ACACA: variants seen among roughly 807,000 people sequenced by gnomAD.
The protein encoded by ACACA is acetyl-CoA carboxylase 1.
ACACA carries 103 observed loss-of-function variants against 296.1 expected under a neutral mutation model. The observed-to-expected ratio is 0.35, with a 90% CI of 0.30 to 0.41. The LOEUF is 0.41. ACACA is among the 10% of genes least tolerant of loss of function. The pLI, the probability that ACACA is intolerant of heterozygous loss-of-function variation, is 1.00. For missense variants in ACACA, 1,554 were observed against 2,989.7 expected (o/e 0.52, Z 11.20); for synonymous variants, 953 against 1,038.6 (o/e 0.92, Z 1.58).
chr17:37,401,349 C>T lies in ACACA; in HGVS notation c.38+4913G>A, dbSNP rs576635415. ...CTGGGAATACAAGCGCCCGCCACCA[C>T]GCCCAGCTAATTTTTGTTTTTTTAG... On this transcript the variant is annotated intron_variant, in intron 1 of 55. Coordinates refer to ENST00000616317, the MANE Select transcript of ACACA (RefSeq NM_198834.3). Among the ~76,000 whole-genome samples, 15 of 151,712 alleles carry T rather than the reference C, an allele frequency of 9.9e-5. No individual in the cohort carries two copies. The East Asian group carries it at 1.4e-3, about 14-fold the overall frequency.
At chr17:37,376,847 CG>C (rs2050025912) in intron 1 of ACACA, among the ~76,000 whole-genome samples, 2 of 151,926 alleles carry the variant, frequency 1.3e-5, no homozygotes, top group Non-Finnish European at 2.9e-5. Flanking sequence ...CTCAGCTACT[CG>C]GGTGGCTGAG....
At chr17:37,183,905 TGCAATG>T (rs2077426100) in intron 39 of ACACA, among the ~76,000 whole-genome samples, 1 of 139,538 alleles carries the variant, frequency 7.2e-6, no homozygotes, top group Non-Finnish European at 1.5e-5. Flanking sequence ...CAGGCTGGAG[TGCAATG>T]GTGCGATCTC....
At chr17:37,214,139 T>C (rs977307505) in intron 29 of ACACA, among the ~76,000 whole-genome samples, 1 of 152,180 alleles carries the variant, frequency 6.6e-6, no homozygotes, top group Non-Finnish European at 1.5e-5. Context: ...CTGAATAACC[T>C]ACTAGCAGCC....
chr17:37,211,062 T>G (rs550862635), intron 29 of ACACA, among the ~76,000 whole-genome samples: 2 of 152,264 alleles, frequency 1.3e-5, no homozygotes, highest in South Asian at 2.1e-4. Flanking sequence ...TAAGTCTTTT[T>G]AACCATACTC....
chr17:37,184,396 T>C (rs1007167356), intron 39 of ACACA, among the ~76,000 whole-genome samples: 1 of 152,204 alleles, frequency 6.6e-6, no homozygotes, highest in Non-Finnish European at 1.5e-5. Flanking sequence ...TTGCCTGCCC[T>C]TTGGGGGTGC....
At chr17:37,281,382 G>A (rs1279662880) in intron 5 of ACACA, among the ~76,000 whole-genome samples, 1 of 151,972 alleles carries the variant, frequency 6.6e-6, no homozygotes, top group African/African-American at 2.4e-5. Context: ...TCTTAAGCCT[G>A]CCCCCAAGAA....
intron 16 of ACACA, among the ~76,000 whole-genome samples, chr17:37,249,545 A>G (rs1260660624): frequency 6.6e-6 from 1 of 152,186 alleles, no homozygotes; most frequent in Non-Finnish European, 1.5e-5. Flanking sequence ...GACAGTGGGC[A>G]TCCTAATGGG....
rs531170146 is a variant in ACACA, at chr17:37,183,644, C to T, written c.4777-2288G>A. Among the ~76,000 whole-genome samples the T allele has an allele frequency of 1.5e-3, 229 of 151,774 alleles. 1 individual carries two copies. The highest frequency in any genetic ancestry group is 4.9e-3 in the African/African-American group (205 of 41,444). ...GAGATCGAGACCATCCTGGCTAACA[C>T]GGTGAAACCCCGTCTCTACTAAAAA... On this transcript the variant is annotated intron_variant, in intron 39 of 55. Coordinates refer to ENST00000616317, the MANE Select transcript of ACACA (RefSeq NM_198834.3).
chr17:37,224,914 T>TA, intron 27 of ACACA, 78 bp downstream of exon 27: 1 of 603,334 alleles, frequency 1.7e-6, no homozygotes, highest in East Asian at 3.5e-5. Flanking sequence ...ACTAATTACT[T>TA]AAACTATGCT....
intron 1 of ACACA, chr17:37,391,617 T>C: frequency 6.2e-7 from 1 of 1,601,666 alleles, no homozygotes. Flanking sequence ...GCATCCTTTT[T>C]TAACTTTCAT....
At chr17:37,175,001 T>C (rs1002523021) in intron 41 of ACACA, among the ~76,000 whole-genome samples, 1 of 152,214 alleles carries the variant, frequency 6.6e-6, no homozygotes, top group African/African-American at 2.4e-5. Flanking sequence ...TTTCTCATTA[T>C]GACAGGCATG....
At chr17:37,129,732 C>T (rs1427492237) in intron 46 of ACACA, among the ~76,000 whole-genome samples, 1 of 152,124 alleles carries the variant, frequency 6.6e-6, no homozygotes, top group African/African-American at 2.4e-5. Context: ...TGTGCCCATG[C>T]TTTCTGGGAT....
chr17:37,161,620 A>C, intron 42 of ACACA, 161 bp downstream of exon 42: 1 of 808,382 alleles, frequency 1.2e-6, no homozygotes, highest in South Asian at 1.8e-5. Context: ...ATTTGTCTTT[A>C]ATATGGTGTC....
intron 1 of ACACA, among the ~76,000 whole-genome samples, chr17:37,381,282 T>G (rs905206227): frequency 3.9e-5 from 6 of 151,944 alleles, no homozygotes; most frequent in Admixed American, 6.6e-5. Flanking sequence ...TCCTCCCAGG[T>G]TCACGTGATT....
chr17:37,225,743 GCAGAAGGTCACTGAA>G (rs1211708330), intron 26 of ACACA, among the ~76,000 whole-genome samples: 2 of 152,170 alleles, frequency 1.3e-5, no homozygotes, highest in Non-Finnish European at 2.9e-5. Flanking sequence ...TGTAGAGAAA[GCAGAAGGTCACTGAA>G]CAGCTTCAAA....
chr17:37,289,512 C>T (rs747369435), intron 3 of ACACA: 2 of 1,351,610 alleles, frequency 1.5e-6, no homozygotes, highest in South Asian at 2.3e-5. Flanking sequence ...CTTCATATCC[C>T]ACGAGTATTT....
chr17:37,221,639 C>T (rs1171250204), intron 29 of ACACA, 85 bp downstream of exon 29: 4 of 1,163,050 alleles, frequency 3.4e-6, no homozygotes, highest in Admixed American at 3.4e-5. Context: ...ACTAAAAAAA[C>T]ATGGAATTGT....
Position 37,113,065 on chromosome 17 carries a change from TG to T in ACACA, c.6452+22del, listed in dbSNP as rs763816741. ...CTACAGGGTCCCTAAAGGCAGTGAA[TG>T]GAAATGTGGAAGGCACGCTACCTGC... On this transcript the variant is annotated intron_variant, in intron 51 of 55. Transcript: ENST00000616317. This position sits in a 1 kb window ranked among gnomAD's most constrained non-coding sequence, Gnocchi z 4.0. The T allele has an allele frequency of 4.0e-5, 65 of 1,613,548 alleles. No individual in the cohort carries two copies. The highest frequency in any genetic ancestry group is 5.3e-5 in the Non-Finnish European group (62 of 1,179,914).
At chr17:37,330,953 C>T (rs2047848845) in intron 2 of ACACA, among the ~76,000 whole-genome samples, 1 of 152,050 alleles carries the variant, frequency 6.6e-6, no homozygotes, top group Non-Finnish European at 1.5e-5. Context: ...CTCTGTCACC[C>T]ATACAGCATG....
Sources: allele counts gnomAD v4.1 joint callset (sites outside exome capture counted in the v4.1 genomes callset), GRCh38; gene constraint gnomAD v4.1.1; non-coding constraint Gnocchi (gnomAD v3.1); transcripts MANE v1.5; gene names NCBI Gene and HGNC (gene_info 2026-07-23, HGNC 2026-07-21).